The following ST7 variants were observed in gnomAD, a reference collection of about 807,000 sequenced individuals.
ST7 encodes suppressor of tumorigenicity 7 protein.
A neutral mutation model predicts 78.7 loss-of-function variants in ST7; 28 were observed. The ratio of observed to expected loss-of-function variants is 0.36; its 90% confidence interval spans 0.26 to 0.49. ST7 has a LOEUF of 0.49. Among genes scored for constraint, ST7 ranks in the 20% least tolerant of loss-of-function variants. The pLI is 0.99. For missense variants in ST7, 418 were observed against 696.0 expected (o/e 0.60, Z 4.49); for synonymous variants, 247 against 249.6 (o/e 0.99, Z 0.10).
At chr7:117,217,243 T>C (rs1792757064) in intron 13 of ST7, among the ~76,000 whole-genome samples, 1 of 149,872 alleles carries the variant, frequency 6.7e-6, no homozygotes, top group Non-Finnish European at 1.5e-5. Context: ...GATACTTAAT[T>C]ACAGCAACCC....
At chr7:117,145,016 G>A (rs894506312) in intron 9 of ST7, among the ~76,000 whole-genome samples, 9 of 152,084 alleles carry the variant, frequency 5.9e-5, no homozygotes, top group Admixed American at 1.3e-4. Flanking sequence ...CGTGGGCAAC[G>A]TGGTAAAACC....
intron 1 of ST7, among the ~76,000 whole-genome samples, chr7:117,066,174 A>T (rs1401591887): frequency 1.3e-5 from 2 of 152,200 alleles, no homozygotes; most frequent in African/African-American, 4.8e-5. Context: ...ACATTTAGCA[A>T]GCCCTTCCAG....
At chr7:116,996,082 G>GCT (rs1794637876) in intron 1 of ST7, among the ~76,000 whole-genome samples, 1 of 130,294 alleles carries the variant, frequency 7.7e-6, no homozygotes, top group South Asian at 2.5e-4. Context: ...CAGATTCCCC[G>GCT]TTTTTTTTTT....
intron 15 of ST7, chr7:117,222,787 A>G: frequency 8.8e-7 from 1 of 1,135,384 alleles, no homozygotes; most frequent in Non-Finnish European, 1.3e-6. Flanking sequence ...CTGGAACTCC[A>G]TTCAGATTTC....
At chr7:117,101,617 G>A (rs193031226) in intron 2 of ST7, among the ~76,000 whole-genome samples, 297 of 152,244 alleles carry the variant, frequency 2.0e-3, no homozygotes, top group Middle Eastern at 0.01. Flanking sequence ...TCTCAAGAGT[G>A]GTGAATCAGG....
intron 12 of ST7, among the ~76,000 whole-genome samples, chr7:117,208,084 A>C (rs1401453186): frequency 6.6e-6 from 1 of 152,118 alleles, no homozygotes; most frequent in African/African-American, 2.4e-5. Context: ...ATATAAATAT[A>C]ATTATTTATA....
In ST7 at chr7:117,230,037, A is replaced by G; in HGVS notation, c.*180A>G. 2 of 734,846 alleles carry G rather than the reference A, an allele frequency of 2.7e-6. No individual in the cohort carries two copies. Among genetic ancestry groups the G allele is most frequent in the East Asian group, 5.3e-5 (2 of 37,554 alleles). 45.5% of individuals were successfully genotyped at this position (734,846 alleles called of 1,614,324 possible). On this transcript the variant is annotated 3_prime_UTR_variant, in exon 16 of 16. Coordinates refer to ENST00000323984, the MANE Select transcript of ST7 (RefSeq NM_001369598.1). ...TGTTGTACAAAATTCACTGATGTTCAGTTCTATTTTATTTTGCCTTCAGAA... is the reference window on the plus strand; with the variant it reads ...TGTTGTACAAAATTCACTGATGTTCGGTTCTATTTTATTTTGCCTTCAGAA...
intron 1 of ST7, among the ~76,000 whole-genome samples, chr7:117,095,091 C>T (rs913449249): frequency 6.6e-6 from 1 of 152,092 alleles, no homozygotes; most frequent in Non-Finnish European, 1.5e-5. Context: ...CGAAGACTTC[C>T]CTGTGCAAGG....
intron 3 of ST7, chr7:117,128,342 C>T (rs1804039241): frequency 6.6e-6 from 1 of 151,702 alleles, no homozygotes; most frequent in African/African-American, 2.4e-5. Flanking sequence ...TTAGTGATTC[C>T]TCTAAGGGGA....
intron 1 of ST7, among the ~76,000 whole-genome samples, chr7:117,054,983 T>C (rs1797990640): frequency 6.6e-6 from 1 of 152,202 alleles, no homozygotes; most frequent in Non-Finnish European, 1.5e-5. Context: ...TAAGTTAACA[T>C]TTTTCCTCCA....
At chr7:117,032,026 C>T (rs1235668379) in intron 1 of ST7, among the ~76,000 whole-genome samples, 2 of 151,348 alleles carry the variant, frequency 1.3e-5, no homozygotes, top group Non-Finnish European at 2.9e-5. Flanking sequence ...GGATTACAGG[C>T]AAATGCCACC....
At position 116,981,811 on chromosome 7, in the gene ST7, T is replaced by C. The variant is rs575888194; in HGVS notation, c.151+28120T>C. 3.9e-4 allele frequency among the ~76,000 whole-genome samples: 59 copies of C among 152,322 alleles called. No homozygotes were observed. In the South Asian group the frequency reaches 0.012, roughly 31 times the overall value. ...AATACATAAACCAGGAATATAGTCA[T>C]TTATTATCCTTTTCAAGTGTACTGT... On this transcript the variant is annotated intron_variant, in intron 1 of 15. Coordinates refer to ENST00000323984, the MANE Select transcript of ST7 (RefSeq NM_001369598.1).
chr7:117,189,291 A>G, intron 10 of ST7, 30 bp from the exon 11 acceptor site: 1 of 1,561,826 alleles, frequency 6.4e-7, no homozygotes, highest in Non-Finnish European at 8.8e-7. Context: ...CTGCAAACTT[A>G]TGTGTTCCTA....
intron 1 of ST7, among the ~76,000 whole-genome samples, chr7:117,050,905 G>T (rs1797754848): frequency 6.7e-6 from 1 of 148,928 alleles, no homozygotes; most frequent in African/African-American, 2.5e-5. Context: ...ACTCCAGCCT[G>T]GCGACAGAGC....
chr7:117,036,254 C>G (rs1050879653), intron 1 of ST7, among the ~76,000 whole-genome samples: 4 of 152,298 alleles, frequency 2.6e-5, no homozygotes, highest in African/African-American at 9.6e-5. Flanking sequence ...AGTTAGCCAC[C>G]TCCCTAATGG....
At chr7:117,052,893 CAAAAAACA>C (rs1485711114) in intron 1 of ST7, among the ~76,000 whole-genome samples, 1 of 151,950 alleles carries the variant, frequency 6.6e-6, no homozygotes, top group African/African-American at 2.4e-5. Context: ...GATTACATCT[CAAAAAACA>C]AAAAAACAAA....
intron 13 of ST7, among the ~76,000 whole-genome samples, chr7:117,212,175 GTGTT>G (rs1434255955): frequency 2.0e-5 from 3 of 152,192 alleles, no homozygotes; most frequent in African/African-American, 7.2e-5. Flanking sequence ...ACCTTGAAGA[GTGTT>G]TGTTTAACTA....
At chr7:117,058,408 T>C (rs1190428992) in intron 1 of ST7, among the ~76,000 whole-genome samples, 4 of 152,218 alleles carry the variant, frequency 2.6e-5, no homozygotes, top group African/African-American at 4.8e-5. Context: ...AAATATGTTC[T>C]ATTTAATACC....
At chr7:117,144,614 C>T (rs1425247274) in intron 9 of ST7, among the ~76,000 whole-genome samples, 10 of 140,284 alleles carry the variant, frequency 7.1e-5, no homozygotes, top group South Asian at 2.2e-4. Flanking sequence ...GCCTAGGCAA[C>T]AGAGTAAGAC....
Sources: allele counts gnomAD v4.1 joint callset (sites outside exome capture counted in the v4.1 genomes callset), GRCh38; gene constraint gnomAD v4.1.1; transcripts MANE v1.5; gene names NCBI Gene and HGNC (gene_info 2026-07-23, HGNC 2026-07-21).